The following TMPRSS15 variants were observed in gnomAD, a reference collection of about 807,000 sequenced individuals.
The protein encoded by TMPRSS15 is transmembrane serine protease 15.
In TMPRSS15, 128 loss-of-function variants were observed where a neutral mutation model predicts 125.3. That is an observed-to-expected ratio of 1.02 (90% CI 0.89 to 1.18). The LOEUF (loss-of-function observed/expected upper bound fraction) is 1.18. Among genes scored for constraint, TMPRSS15 ranks in the 50% most tolerant of loss-of-function variants. The probability of loss-of-function intolerance (pLI) is 0.00; values close to 1 mark genes in which losing one functional copy is unlikely to be tolerated. For missense variants in TMPRSS15, 1,283 were observed against 1,212.7 expected, an observed-to-expected ratio of 1.06 and a Z score of -0.86; for synonymous variants, 446 against 423.2, an observed-to-expected ratio of 1.05 and a Z score of -0.66.
At chr21:18,422,699 C>G (rs2076194845) in intron 1 of TMPRSS15, among the ~76,000 whole-genome samples, 2 of 152,200 alleles carry the variant, frequency 1.3e-5, no homozygotes, top group South Asian at 4.1e-4. Context: ...AAGCCGATGA[C>G]TAACATTTTC....
Position 18,455,974 on chromosome 21 carries a change from A to T in TMPRSS15, c.10+29825T>A, listed in dbSNP as rs1164927642. ...TTCTGGCACCTTGTAGGTTACTAAG[A>T]TGACTAAACCAATGCTCTTGCAAAT... On this transcript the variant is annotated intron_variant, in intron 1 of 7. Transcript: ENST00000422787. Among the ~76,000 whole-genome samples, 3 of 152,302 alleles carry T rather than the reference A, an allele frequency of 2.0e-5. No individual in the cohort carries two copies. The East Asian group carries it at 5.8e-4, about 29-fold the overall frequency.
intron 10 of TMPRSS15, among the ~76,000 whole-genome samples, chr21:18,345,981 T>G (rs7282391): frequency 0.95 from 144,367 of 151,728 alleles, 69,119 homozygotes; most frequent in Middle Eastern, 1. Context: ...GATGCTATGA[T>G]TTCTTTTGTC....
In TMPRSS15 at chr21:18,360,003, G is replaced by A. The variant is rs182284075; in HGVS notation, c.774-140C>T. The A allele has an allele frequency of 8.5e-4, 461 of 543,802 alleles. 1 individual carries two copies. Among genetic ancestry groups the A allele is most frequent in the Middle Eastern group, 7.6e-3 (19 of 2,498 alleles). 33.7% of individuals were successfully genotyped at this position (543,802 alleles called of 1,614,324 possible). On this transcript the variant is annotated intron_variant, in intron 7 of 24. Transcript: ENST00000284885. ...ACTCTCTTAAATTTTTAAGTGTACAGTGCAGTATTGCCGGTTATGAACACA... is the reference window on the plus strand; with the variant it reads ...ACTCTCTTAAATTTTTAAGTGTACAATGCAGTATTGCCGGTTATGAACACA...
intron 1 of TMPRSS15, among the ~76,000 whole-genome samples, chr21:18,481,102 C>T (rs1490282035): frequency 6.6e-6 from 1 of 151,812 alleles, no homozygotes; most frequent in Admixed American, 6.6e-5. Context: ...GATTTGTATC[C>T]TGACTCTACC....
chr21:18,401,701 A>G (rs2076095998), intron 1 of TMPRSS15, among the ~76,000 whole-genome samples: 1 of 152,156 alleles, frequency 6.6e-6, no homozygotes, highest in Non-Finnish European at 1.5e-5. Context: ...CCCAGGTAAC[A>G]AGCCTGCACA....
chr21:18,361,845 G>T (rs1226159682), intron 7 of TMPRSS15, among the ~76,000 whole-genome samples: 1 of 151,198 alleles, frequency 6.6e-6, no homozygotes, highest in Non-Finnish European at 1.5e-5. Context: ...ACTGGTGTTT[G>T]CTGTAAGGGA....
intron 3 of TMPRSS15, among the ~76,000 whole-genome samples, chr21:18,388,486 A>T (rs1257958919): frequency 6.6e-6 from 1 of 152,206 alleles, no homozygotes; most frequent in East Asian, 1.9e-4. Context: ...GTTATCCAGC[A>T]TGTTGTAGAC....
chr21:18,320,207 A>G (rs969672609), intron 16 of TMPRSS15, among the ~76,000 whole-genome samples: 1 of 152,098 alleles, frequency 6.6e-6, no homozygotes, highest in African/African-American at 2.4e-5. Flanking sequence ...AAATGTAGGT[A>G]GAAGTGTTTG....
chr21:18,333,350 C>T (rs982593446), intron 13 of TMPRSS15, among the ~76,000 whole-genome samples: 1 of 152,142 alleles, frequency 6.6e-6, no homozygotes, highest in Non-Finnish European at 1.5e-5. Flanking sequence ...TAGTGCACAG[C>T]ACTTCCCTAA....
chr21:18,396,792 A>AAAATCTGTCTGTCTG lies in TMPRSS15; in HGVS notation c.344+1086_344+1087insCAGACAGACAGATTT, dbSNP rs1408156983. Among the ~76,000 whole-genome samples, 67 of 112,780 alleles carry AAAATCTGTCTGTCTG rather than the reference A, an allele frequency of 5.9e-4. 1 individual carries two copies. Among genetic ancestry groups the AAAATCTGTCTGTCTG allele is most frequent in the South Asian group, 1.4e-3 (4 of 2,774 alleles). The allele number at this position is 112,780 out of a possible 152,430, so 74.0% of individuals were successfully genotyped here. On this transcript the variant is annotated intron_variant, in intron 3 of 24. Transcript: ENST00000284885. ...CTGTCTCAAAAAAAAAAAAAAAAAA[A>AAAATCTGTCTGTCTG]TCTGTCTGTCTGTCTGTCTATCTAT...
intron 13 of TMPRSS15, among the ~76,000 whole-genome samples, chr21:18,336,434 T>C (rs2075393894): frequency 6.6e-6 from 1 of 152,226 alleles, no homozygotes; most frequent in Non-Finnish European, 1.5e-5. Flanking sequence ...CAAATAGCAT[T>C]TTAAAAGTTT....
At chr21:18,294,580 G>T (rs374861503) in intron 20 of TMPRSS15, 23 bp downstream of exon 20, 97 of 1,607,726 alleles carry the variant, frequency 6.0e-5, no homozygotes, top group Non-Finnish European at 7.9e-5. Flanking sequence ...CTTGAAGTGG[G>T]ATATGACAAC....
Position 18,397,874 on chromosome 21 carries a change from C to G in TMPRSS15, c.344+5G>C. The G allele has an allele frequency of 6.6e-7, 1 of 1,522,818 alleles. No individual in the cohort carries two copies. Among genetic ancestry groups the G allele is most frequent in the Non-Finnish European group, 9.0e-7 (1 of 1,114,628 alleles). The allele number at this position is 1,522,818 out of a possible 1,614,324, so 94.3% of individuals were successfully genotyped here. A position where few individuals can be genotyped will look rare whatever the true frequency, so the allele number is the denominator to read the frequency against. On this transcript the variant is annotated splice_donor_5th_base_variant and intron_variant, in intron 3 of 24. Transcript: ENST00000284885. The stretch of plus-strand genomic sequence containing the variant: ...ATCAGTAGAAAATTTTTGAGCTATA[C>G]TCACTCAAATTGTAAAACTCTTGAG...
upstream of TMPRSS15, among the ~76,000 whole-genome samples, chr21:18,404,418 C>T (rs1341523483): frequency 6.6e-6 from 1 of 152,118 alleles, no homozygotes; most frequent in East Asian, 1.9e-4. Flanking sequence ...GAAGACATTG[C>T]TCACTTGCCC....
chr21:18,353,934 C>T, intron 8 of TMPRSS15, 71 bp from the exon 9 acceptor site: 1 of 1,434,312 alleles, frequency 7.0e-7, no homozygotes, highest in Non-Finnish European at 9.8e-7. Context: ...TCCATCAGTC[C>T]ATCTACTGAA....
intron 1 of TMPRSS15, 84 bp from the exon 2 acceptor site, chr21:18,398,413 T>A: frequency 1.4e-6 from 2 of 1,447,594 alleles, no homozygotes; most frequent in Non-Finnish European, 1.9e-6. Flanking sequence ...GACATAGAAG[T>A]AAAGCTCTCG....
intron 16 of TMPRSS15, among the ~76,000 whole-genome samples, chr21:18,324,681 A>T (rs1474825): frequency 0.55 from 83,614 of 151,894 alleles, 23,483 homozygotes; most frequent in East Asian, 0.67. Flanking sequence ...TTTTCTGTCA[A>T]CTAAAGTTTG....
At position 18,326,849 on chromosome 21, in the gene TMPRSS15, C is replaced by T. The variant is rs185259835; in HGVS notation, c.1781-277G>A. On this transcript the variant is annotated intron_variant, in intron 15 of 24. Coordinates refer to ENST00000284885, the MANE Select transcript of TMPRSS15 (RefSeq NM_002772.3). ...TAATATATCTGACTTAGTACCACTG[C>T]TATTCAAAGCTCATGTTATCCCAGA... is the stretch of plus-strand genomic sequence containing the variant. Among the ~76,000 whole-genome samples, 28 of 152,320 alleles carry T rather than the reference C, an allele frequency of 1.8e-4. No individual in the cohort carries two copies. In the East Asian group the frequency reaches 5.4e-3, roughly 29 times the overall value.
intron 3 of TMPRSS15, among the ~76,000 whole-genome samples, chr21:18,386,717 C>T (rs1236656348): frequency 1.3e-5 from 2 of 152,024 alleles, no homozygotes; most frequent in African/African-American, 4.8e-5. Flanking sequence ...TAATTATTTT[C>T]TCTCTCTCCA....
Sources: allele counts gnomAD v4.1 joint callset (sites outside exome capture counted in the v4.1 genomes callset), GRCh38; gene constraint gnomAD v4.1.1; transcripts MANE v1.5; gene names NCBI Gene and HGNC (gene_info 2026-07-23, HGNC 2026-07-21).